Variants in PDE3B observed in about 807,000 individuals in gnomAD.
PDE3B encodes the protein cGMP-inhibited 3',5'-cyclic phosphodiesterase 3B.
Under a neutral mutation model 116.8 loss-of-function variants are expected in PDE3B, and 66 were observed. The ratio of observed to expected loss-of-function variants is 0.56; its 90% CI spans 0.46 to 0.69. The LOEUF is 0.69. Ranked by LOEUF, PDE3B falls within the 30% of genes least tolerant of loss-of-function variation. The pLI is 0.00. For missense variants in PDE3B, 1,384 were observed against 1,368.1 expected (o/e 1.01, Z -0.18); for synonymous variants, 595 against 533.6 (o/e 1.12, Z -1.59).
intron 1 of PDE3B, among the ~76,000 whole-genome samples, chr11:14,712,581 T>C (rs759601527): frequency 1.4e-5 from 2 of 147,524 alleles, no homozygotes; most frequent in East Asian, 4.1e-4. Flanking sequence ...TTCAAGTGAT[T>C]CTCCTGCCTC....
chr11:14,666,014 A>G (rs548270059), intron 1 of PDE3B, among the ~76,000 whole-genome samples: 2 of 152,244 alleles, frequency 1.3e-5, no homozygotes, highest in South Asian at 2.1e-4. Flanking sequence ...GAGGCATCAC[A>G]CTACCTGACT....
chr11:14,753,131 T>C (rs1239871732), intron 1 of PDE3B, among the ~76,000 whole-genome samples: 1 of 152,122 alleles, frequency 6.6e-6, no homozygotes, highest in Non-Finnish European at 1.5e-5. Context: ...AAAAATTAAC[T>C]GTTAATGTAA....
At position 14,743,048 on chromosome 11, in the gene PDE3B, G is replaced by T. The variant is rs1245064934; in HGVS notation, c.979-28889G>T. On this transcript the variant is annotated intron_variant, in intron 1 of 15. Transcript: ENST00000282096. ...CGAGTCAGGAGGCACGGGGGTCAGG[G>T]ACCCACTTGAGGAGGCAGTCTGTCC... is the stretch of plus-strand genomic sequence containing the variant. 2.0e-5 allele frequency among the ~76,000 whole-genome samples: 3 copies of T among 152,308 alleles called. 1 individual carries two copies. In the Middle Eastern group the frequency reaches 0.01, roughly 518 times the overall value.
intron 1 of PDE3B, among the ~76,000 whole-genome samples, chr11:14,716,228 G>A (rs1314610446): frequency 6.6e-6 from 1 of 152,186 alleles, no homozygotes; most frequent in African/African-American, 2.4e-5. Flanking sequence ...AAAAAACGGC[G>A]CACCACGAGA....
chr11:14,837,429 C>T (rs1431735313), intron 11 of PDE3B, among the ~76,000 whole-genome samples: 2 of 152,146 alleles, frequency 1.3e-5, no homozygotes, highest in African/African-American at 4.8e-5. Flanking sequence ...TGGAAATTTC[C>T]TCAACTAAAT....
At chr11:14,663,719 ACTAT>A (rs1319737018) in intron 1 of PDE3B, among the ~76,000 whole-genome samples, 1 of 152,206 alleles carries the variant, frequency 6.6e-6, no homozygotes, top group Admixed American at 6.5e-5. Context: ...AGAAGAGCTA[ACTAT>A]CCTAAATATA....
At chr11:14,856,333 A>G (rs184624922) in intron 12 of PDE3B, among the ~76,000 whole-genome samples, 3 of 152,304 alleles carry the variant, frequency 2.0e-5, no homozygotes, top group East Asian at 1.9e-4. Flanking sequence ...TAGTATCTCT[A>G]TAGCAGTGTA....
intron 1 of PDE3B, among the ~76,000 whole-genome samples, chr11:14,685,446 C>CTTTTTTTTTTTTTTTTT (rs71044017): frequency 1.2e-5 from 1 of 86,334 alleles, no homozygotes; most frequent in African/African-American, 3.6e-5. Context: ...TTTTTCTCAT[C>CTTTTTTTTTTTTTTTTT]TTTTTTTTTT....
Position 14,813,015 on chromosome 11 carries a change from G to A in PDE3B, c.1523-5168G>A, listed in dbSNP as rs577440901. On this transcript the variant is annotated intron_variant, in intron 5 of 15. Coordinates refer to ENST00000282096, the MANE Select transcript of PDE3B (RefSeq NM_000922.4). ...CATGTGAGGACACGAGAAGATGGCC[G>A]TCAGTGAACCAGGAAGTGGGCCATC... Among the ~76,000 whole-genome samples, 7 of 152,262 alleles carry A rather than the reference G, an allele frequency of 4.6e-5. No individual in the cohort carries two copies. The South Asian group carries it at 6.2e-4, about 14-fold the overall frequency.
chr11:14,857,147 A>G (rs1023519217), intron 12 of PDE3B, among the ~76,000 whole-genome samples: 3 of 152,154 alleles, frequency 2.0e-5, no homozygotes, highest in African/African-American at 4.8e-5. Context: ...TGTTTTGCCA[A>G]AGTATTGATG....
chr11:14,797,980 G>A (rs926669204), intron 4 of PDE3B, among the ~76,000 whole-genome samples: 3 of 152,134 alleles, frequency 2.0e-5, no homozygotes, highest in Non-Finnish European at 4.4e-5. Flanking sequence ...GAATAGGAGT[G>A]GTGAGGGAGG....
intron 1 of PDE3B, among the ~76,000 whole-genome samples, chr11:14,674,865 AAG>A (rs1436330827): frequency 2.6e-5 from 4 of 152,170 alleles, no homozygotes; most frequent in South Asian, 2.1e-4. Flanking sequence ...GTTCAAATGA[AAG>A]AGAGTATGTA....
chr11:14,690,292 A>G lies in PDE3B; in HGVS notation c.978+45239A>G, dbSNP rs570575043. Among the ~76,000 whole-genome samples the G allele has an allele frequency of 2.6e-5, 4 of 152,320 alleles. No individual in the cohort carries two copies. In the South Asian group the frequency reaches 8.3e-4, roughly 32 times the overall value. Reference sequence around the variant, plus strand: ...TATGAGTTTCTCTAAATTTGACAATACTAAAAGTTTATGACATTACCAGTA... The same window carrying G: ...TATGAGTTTCTCTAAATTTGACAATGCTAAAAGTTTATGACATTACCAGTA... On this transcript the variant is annotated intron_variant, in intron 1 of 15. Coordinates refer to ENST00000282096, the MANE Select transcript of PDE3B (RefSeq NM_000922.4).
At chr11:14,743,020 C>G (rs962374157) in intron 1 of PDE3B, among the ~76,000 whole-genome samples, 3 of 152,178 alleles carry the variant, frequency 2.0e-5, no homozygotes, top group African/African-American at 7.2e-5. Flanking sequence ...TGAGAGATTT[C>G]TCCGAGTCAG....
intron 1 of PDE3B, among the ~76,000 whole-genome samples, chr11:14,741,018 C>T (rs1349880224): frequency 6.6e-6 from 1 of 151,494 alleles, no homozygotes; most frequent in Non-Finnish European, 1.5e-5. Context: ...GTTTTACTTC[C>T]AATTATATGG....
chr11:14,741,050 T>A (rs1452936398), intron 1 of PDE3B, among the ~76,000 whole-genome samples: 2 of 151,806 alleles, frequency 1.3e-5, no homozygotes, highest in Non-Finnish European at 2.9e-5. Flanking sequence ...ATAAATGCGA[T>A]GTGGTGCTGA....
At chr11:14,854,684 T>G (rs1161266948) in intron 12 of PDE3B, among the ~76,000 whole-genome samples, 1 of 152,098 alleles carries the variant, frequency 6.6e-6, no homozygotes, top group Non-Finnish European at 1.5e-5. Flanking sequence ...GCCCAGCTAA[T>G]TTTTGTATTT....
At chr11:14,896,979 A>AT in the PDE3B span, among the ~76,000 whole-genome samples, 1 of 152,226 alleles carries the variant, frequency 6.6e-6, no homozygotes, top group Non-Finnish European at 1.5e-5. Flanking sequence ...AGGAAACAAT[A>AT]ATTATCAAAT....
intron 5 of PDE3B, among the ~76,000 whole-genome samples, chr11:14,807,454 C>A (rs1196262488): frequency 6.6e-6 from 1 of 151,782 alleles, no homozygotes; most frequent in Non-Finnish European, 1.5e-5. Flanking sequence ...CAAAGATGAA[C>A]ATTGTAGTAT....
Sources: gnomAD v4.1 joint callset for allele counts (sites outside exome capture counted in the v4.1 genomes callset) on GRCh38, gnomAD v4.1.1 for gene constraint, MANE v1.5 for transcripts, NCBI Gene and HGNC (gene_info 2026-07-23, HGNC 2026-07-21) for gene names.